COPS4: variants seen among roughly 807,000 people sequenced by gnomAD.
The protein encoded by COPS4 is COP9 signalosome subunit 4, also known as COP9 signalosome complex subunit 4.
A neutral mutation model predicts 55.1 loss-of-function variants in COPS4; 8 were observed. The ratio of observed to expected loss-of-function variants is 0.15; its 90% confidence interval spans 0.09 to 0.26. The LOEUF (loss-of-function observed/expected upper bound fraction) is 0.26. Ranked by LOEUF, COPS4 falls within the 10% of genes least tolerant of loss-of-function variation. COPS4 has a pLI of 1.00. For missense variants in COPS4, 248 were observed against 484.0 expected (o/e 0.51, Z 4.58); for synonymous variants, 185 against 165.7 (o/e 1.12, Z -0.90).
intron 4 of COPS4, among the ~76,000 whole-genome samples, chr4:83,056,276 A>G (rs1221864266): frequency 6.6e-6 from 1 of 152,090 alleles, no homozygotes; most frequent in Non-Finnish European, 1.5e-5. Flanking sequence ...GGTTAAGGGT[A>G]TATGCATTTT....
At chr4:83,043,976 G>A (rs755148629) in intron 1 of COPS4, among the ~76,000 whole-genome samples, 26 of 152,168 alleles carry the variant, frequency 1.7e-4, no homozygotes, top group Admixed American at 7.2e-4. Context: ...TGTATGAGTT[G>A]AGAGTCAGTA....
At chr4:83,075,140 T>C (rs1731541267) in intron 9 of COPS4, among the ~76,000 whole-genome samples, 157 bp from the exon 10 acceptor site, 1 of 152,130 alleles carries the variant, frequency 6.6e-6, no homozygotes, top group Non-Finnish European at 1.5e-5. Context: ...ATTTATTGTT[T>C]TTATTTTTTT....
intron 1 of COPS4, chr4:83,035,775 G>C (rs1486373086): frequency 6.0e-6 from 1 of 167,534 alleles, no homozygotes; most frequent in African/African-American, 2.4e-5. Flanking sequence ...AGGTTGAGGC[G>C]GTATGGCCGC....
intron 7 of COPS4, 86 bp downstream of exon 7, chr4:83,063,332 A>ATT: frequency 3.3e-6 from 3 of 907,030 alleles, no homozygotes; most frequent in Non-Finnish European, 4.8e-6. Flanking sequence ...GTATCTTTTA[A>ATT]TAATAATTCT....
At chr4:83,052,375 T>C (rs1730909465) in intron 4 of COPS4, among the ~76,000 whole-genome samples, 1 of 152,140 alleles carries the variant, frequency 6.6e-6, no homozygotes, top group Admixed American at 6.6e-5. Flanking sequence ...GGGTAGTTCA[T>C]CTGTGTCAGA....
At chr4:83,060,133 T>C (rs561465031) in intron 6 of COPS4, among the ~76,000 whole-genome samples, 35 of 152,250 alleles carry the variant, frequency 2.3e-4, no homozygotes, top group South Asian at 2.1e-3. Flanking sequence ...TTAATCGCAT[T>C]TTCAGGTAAT....
At chr4:83,044,878 C>T (rs1560435560) in intron 1 of COPS4, among the ~76,000 whole-genome samples, 1 of 152,182 alleles carries the variant, frequency 6.6e-6, no homozygotes, top group African/African-American at 2.4e-5. Context: ...TATTTGAGTG[C>T]TTATGATGTG....
At chr4:83,066,290 C>T in intron 7 of COPS4, 148 bp from the exon 8 acceptor site, 1 of 455,324 alleles carries the variant, frequency 2.2e-6, no homozygotes, top group Non-Finnish European at 4.0e-6. Context: ...AATGAAACTA[C>T]ATCATATATT....
intron 1 of COPS4, chr4:83,035,645 C>T (rs557555675): frequency 5.7e-5 from 12 of 209,544 alleles, no homozygotes; most frequent in Non-Finnish European, 9.2e-5. Flanking sequence ...GCTGGCCGGC[C>T]TCACACCGAA....
intron 4 of COPS4, among the ~76,000 whole-genome samples, chr4:83,055,574 G>A (rs1730993539): frequency 6.6e-6 from 1 of 151,842 alleles, no homozygotes; most frequent in South Asian, 2.1e-4. Flanking sequence ...CTCCCTAGTA[G>A]CTGGGACTGC....
chr4:83,040,818 T>G (rs1366183701), intron 1 of COPS4, among the ~76,000 whole-genome samples: 3 of 144,126 alleles, frequency 2.1e-5, no homozygotes, highest in Non-Finnish European at 4.5e-5. Flanking sequence ...ACCATTACTG[T>G]AAGTGGAAGA....
In COPS4 at chr4:83,065,109, A is replaced by G. The variant is rs1259336758; in HGVS notation, c.887-1329A>G. On this transcript the variant is annotated intron_variant, in intron 7 of 9. Transcript: ENST00000264389. The stretch of plus-strand genomic sequence containing the variant: ...AGGCTGGTCTTGAACTCCTGGGCTC[A>G]AGCAGTTCCTCCCATCTTGGCTTCC... The G allele has an allele frequency of 7.5e-6, 5 of 668,594 alleles. 1 individual carries two copies. The South Asian group carries it at 8.0e-5, about 11-fold the overall frequency. 41.4% of individuals were successfully genotyped at this position (668,594 alleles called of 1,614,324 possible).
chr4:83,057,430 C>T lies in COPS4; in HGVS notation c.715+22C>T, dbSNP rs747715219. ...GCAGGTAAACACGTAATAATTTATACTTAAATGAACAGTTATCTTTGCTTA... is the reference window on the plus strand; with the variant it reads ...GCAGGTAAACACGTAATAATTTATATTTAAATGAACAGTTATCTTTGCTTA... On this transcript the variant is annotated intron_variant, in intron 6 of 9. Coordinates refer to ENST00000264389, the MANE Select transcript of COPS4 (RefSeq NM_016129.3). 7.9e-6 allele frequency: 12 copies of T among 1,525,744 alleles called. No homozygotes were observed. In the African/African-American group the frequency reaches 1.4e-4, roughly 18 times the overall value. The allele number at this position is 1,525,744 out of a possible 1,614,324, so 94.5% of individuals were successfully genotyped here. A position where few individuals can be genotyped will look rare whatever the true frequency, so the allele number is the denominator to read the frequency against.
At chr4:83,074,493 A>G (rs1488144786) in intron 9 of COPS4, among the ~76,000 whole-genome samples, 21 of 134,546 alleles carry the variant, frequency 1.6e-4, no homozygotes, top group African/African-American at 5.9e-4. Flanking sequence ...ATGGAGTTTC[A>G]CTCTTGTCGC....
chr4:83,038,326 A>G (rs976196947), intron 1 of COPS4, among the ~76,000 whole-genome samples: 1 of 152,248 alleles, frequency 6.6e-6, no homozygotes, highest in Admixed American at 6.5e-5. Flanking sequence ...TATTTACATT[A>G]TAATAAGAGA....
chr4:83,038,951 C>T (rs942662347), intron 1 of COPS4, among the ~76,000 whole-genome samples: 2 of 152,150 alleles, frequency 1.3e-5, no homozygotes, highest in Non-Finnish European at 1.5e-5. Flanking sequence ...CCAGCACTTA[C>T]CTGTTTTTAA....
At chr4:83,071,832 C>G (rs1731438525) in intron 9 of COPS4, among the ~76,000 whole-genome samples, 1 of 151,950 alleles carries the variant, frequency 6.6e-6, no homozygotes, top group Non-Finnish European at 1.5e-5. Context: ...CTGCCTCAGC[C>G]TCCTGAATAG....
chr4:83,035,706 G>T, intron 1 of COPS4: 1 of 174,764 alleles, frequency 5.7e-6, no homozygotes, highest in Non-Finnish European at 1.3e-5. Context: ...TCAGAGAAAT[G>T]TATATTCTGG....
chr4:83,071,377 C>T lies in COPS4; in HGVS notation c.1087+2855C>T, dbSNP rs1045603186. On this transcript the variant is annotated intron_variant, in intron 9 of 9. Coordinates refer to ENST00000264389, the MANE Select transcript of COPS4 (RefSeq NM_016129.3). ...CTATTTCCTCCCTTCCCTCACAACT[C>T]TCCTTCTGGCCTTCCAGTATCAATT... Among the ~76,000 whole-genome samples, 4 of 152,284 alleles carry T rather than the reference C, an allele frequency of 2.6e-5. No individual in the cohort carries two copies. The East Asian group carries it at 7.7e-4, about 29-fold the overall frequency.
Sources: allele counts gnomAD v4.1 joint callset (sites outside exome capture counted in the v4.1 genomes callset), GRCh38; gene constraint gnomAD v4.1.1; transcripts MANE v1.5; gene names NCBI Gene and HGNC (gene_info 2026-07-23, HGNC 2026-07-21).